MYO1H: variants seen among roughly 807,000 people sequenced by gnomAD.
MYO1H encodes the protein unconventional myosin-Ih.
In MYO1H, 118 loss-of-function variants were observed where a neutral mutation model predicts 149.3. That is an observed-to-expected ratio of 0.79 (90% CI 0.68 to 0.92). The LOEUF (loss-of-function observed/expected upper bound fraction) is 0.92, where lower values mean the gene tolerates loss of function less well. Ranked by LOEUF, MYO1H falls within the 40% of genes least tolerant of loss-of-function variation. MYO1H has a pLI of 0.00. For missense variants in MYO1H, 1,212 were observed against 1,280.7 expected, an observed-to-expected ratio of 0.95 and a Z score of 0.82; for synonymous variants, 447 against 465.2, an observed-to-expected ratio of 0.96 and a Z score of 0.50.
At position 109,443,705 on chromosome 12, in the gene MYO1H, G is replaced by A. The variant is rs573274142; in HGVS notation, c.2824+56G>A. 6 of 1,592,466 alleles carry A rather than the reference G, an allele frequency of 3.8e-6. No individual in the cohort carries two copies. The African/African-American group carries it at 8.1e-5, about 21-fold the overall frequency. ...ACTGAGTTGACTCAACTACTGGAAA[G>A]CCCAGTAATGAAGCTCCCAAATGGG... On this transcript the variant is annotated intron_variant, in intron 28 of 31. Coordinates refer to ENST00000310903, the Ensembl canonical transcript of MYO1H.
chr12:109,425,206 C>T (rs899615074), intron 17 of MYO1H, among the ~76,000 whole-genome samples: 1 of 152,178 alleles, frequency 6.6e-6, no homozygotes. Flanking sequence ...CAGTGGTGTG[C>T]ATCCATAGTC....
intron 19 of MYO1H, among the ~76,000 whole-genome samples, chr12:109,429,498 T>A (rs1034080246): frequency 6.6e-6 from 1 of 152,202 alleles, no homozygotes; most frequent in Non-Finnish European, 1.5e-5. Context: ...TTATGTAGTA[T>A]TTACATAGTA....
At chr12:109,369,600 A>G (rs1440729269) in intron 1 of MYO1H, among the ~76,000 whole-genome samples, 1 of 152,194 alleles carries the variant, frequency 6.6e-6, no homozygotes, top group Non-Finnish European at 1.5e-5. Context: ...CATGTGTGCC[A>G]TGTTACAGGA....
intron 24 of MYO1H, among the ~76,000 whole-genome samples, chr12:109,440,098 G>A (rs1435320990): frequency 2.6e-5 from 4 of 151,326 alleles, no homozygotes; most frequent in Admixed American, 2.0e-4. Flanking sequence ...GCAGTGGCGC[G>A]ATCTTGGCTC....
chr12:109,311,521 A>G, the MYO1H span, among the ~76,000 whole-genome samples: 1 of 152,250 alleles, frequency 6.6e-6, no homozygotes, highest in Non-Finnish European at 1.5e-5. Context: ...GGGTGAAATC[A>G]GAACCATAAA....
chr12:109,353,826 T>A (rs1868521920), intron 1 of MYO1H, among the ~76,000 whole-genome samples: 1 of 152,032 alleles, frequency 6.6e-6, no homozygotes, highest in Non-Finnish European at 1.5e-5. Flanking sequence ...TAATTTTTTT[T>A]TATTTTTAGT....
chr12:109,375,473 A>G (rs913334298), intron 1 of MYO1H, among the ~76,000 whole-genome samples: 7 of 152,126 alleles, frequency 4.6e-5, no homozygotes, highest in African/African-American at 1.7e-4. Flanking sequence ...TTTTATATAA[A>G]ATGCCTGTTT....
chr12:109,339,518 C>A, the MYO1H span, among the ~76,000 whole-genome samples: 6 of 152,068 alleles, frequency 3.9e-5, no homozygotes, highest in African/African-American at 1.4e-4. Context: ...AATTTATGTA[C>A]AAATTGAAAA....
chr12:109,438,745 G>C (rs1290735823), intron 23 of MYO1H, 125 bp downstream of exon 23: 2 of 695,398 alleles, frequency 2.9e-6, no homozygotes, highest in Non-Finnish European at 4.9e-6. Flanking sequence ...ACTCCCTTCA[G>C]AATGCCATTA....
chr12:109,394,598 C>CAAA (rs10707269), intron 3 of MYO1H, among the ~76,000 whole-genome samples: 16 of 143,858 alleles, frequency 1.1e-4, no homozygotes, highest in South Asian at 4.4e-4. Context: ...CAATGACTAC[C>CAAA]AAAAAAAAAA....
intron 1 of MYO1H, among the ~76,000 whole-genome samples, chr12:109,364,177 A>T (rs1317147244): frequency 8.1e-6 from 1 of 123,786 alleles, no homozygotes; most frequent in Non-Finnish European, 1.6e-5. Context: ...TCTTTAAAAA[A>T]AAAAAAAAAA....
chr12:109,400,741 T>G (rs1476930116), intron 5 of MYO1H, among the ~76,000 whole-genome samples: 1 of 152,184 alleles, frequency 6.6e-6, no homozygotes, highest in Non-Finnish European at 1.5e-5. Flanking sequence ...AAAGATCATC[T>G]TTCCAATAAA....
chr12:109,405,388 G>GGTT (rs1227075680), intron 7 of MYO1H, among the ~76,000 whole-genome samples: 1 of 152,164 alleles, frequency 6.6e-6, no homozygotes, highest in Non-Finnish European at 1.5e-5. Flanking sequence ...TTGGCTCACT[G>GGTT]CAACCTCCGC....
intron 21 of MYO1H, 27 bp downstream of exon 21, chr12:109,435,140 T>G: frequency 6.9e-7 from 1 of 1,457,696 alleles, no homozygotes; most frequent in Non-Finnish European, 9.5e-7. Flanking sequence ...TGTCCCGATT[T>G]CAATAGAATA....
chr12:109,324,298 C>A, the MYO1H span, among the ~76,000 whole-genome samples: 8 of 152,138 alleles, frequency 5.3e-5, no homozygotes, highest in Non-Finnish European at 8.8e-5. Context: ...TTAATCTAGC[C>A]CCGGAAGCCA....
chr12:109,322,453 G>T, the MYO1H span, among the ~76,000 whole-genome samples: 228 of 151,910 alleles, frequency 1.5e-3, 2 homozygotes, highest in African/African-American at 4.9e-3. Flanking sequence ...TTTCAGTGGG[G>T]TCACAGTTAC....
chr12:109,340,489 C>T, the MYO1H span, among the ~76,000 whole-genome samples: 1 of 152,108 alleles, frequency 6.6e-6, no homozygotes, highest in Non-Finnish European at 1.5e-5. Context: ...TTAACACCCC[C>T]CTGTTCTCTA....
At chr12:109,364,577 G>A (rs750019494) in intron 1 of MYO1H, among the ~76,000 whole-genome samples, 3 of 150,328 alleles carry the variant, frequency 2.0e-5, no homozygotes, top group Non-Finnish European at 4.4e-5. Flanking sequence ...CACCTGCCTC[G>A]GCTTCCCACG....
chr12:109,408,970 T>C (rs1212812800), intron 10 of MYO1H, among the ~76,000 whole-genome samples: 1 of 152,032 alleles, frequency 6.6e-6, no homozygotes, highest in African/African-American at 2.4e-5. Context: ...TGTAATTTTT[T>C]AGTAGAAATG....
Sources: allele counts gnomAD v4.1 joint callset (sites outside exome capture counted in the v4.1 genomes callset), GRCh38; gene constraint gnomAD v4.1.1; transcripts MANE v1.5; gene names NCBI Gene and HGNC (gene_info 2026-07-23, HGNC 2026-07-21).